Variants in EMCN observed in about 807,000 individuals in gnomAD.
EMCN encodes MUC-14.
In EMCN, 37 loss-of-function variants were observed where a neutral mutation model predicts 38.4. The ratio of observed to expected loss-of-function variants is 0.96; its 90% confidence interval spans 0.74 to 1.27. EMCN has a LOEUF of 1.27. EMCN is among the 50% of genes most tolerant of loss of function. The pLI is 0.00. For synonymous variants in EMCN, 95 were observed against 100.8 expected (o/e 0.94, Z 0.35); for missense variants, 318 against 302.8 (o/e 1.05, Z -0.37).
chr4:100,408,659 G>A (rs1278254364), intron 11 of EMCN, among the ~76,000 whole-genome samples: 1 of 152,218 alleles, frequency 6.6e-6, no homozygotes, highest in South Asian at 2.1e-4. Flanking sequence ...TCCCACTCAA[G>A]TGCTGGTCAT....
intron 5 of EMCN, among the ~76,000 whole-genome samples, chr4:100,431,600 T>C (rs958123808): frequency 6.6e-6 from 1 of 152,102 alleles, no homozygotes; most frequent in Admixed American, 6.6e-5. Context: ...AGACTGGAAC[T>C]TATGCCATCA....
At chr4:100,398,546 G>C (rs1726172412) in intron 11 of EMCN, among the ~76,000 whole-genome samples, 173 bp from the exon 12 acceptor site, 1 of 151,978 alleles carries the variant, frequency 6.6e-6, no homozygotes, top group African/African-American at 2.4e-5. Context: ...CTTCAAACTT[G>C]ACATATCTGA....
At chr4:100,475,594 C>T (rs916360638) in intron 2 of EMCN, among the ~76,000 whole-genome samples, 1 of 146,106 alleles carries the variant, frequency 6.8e-6, no homozygotes, top group Non-Finnish European at 1.5e-5. Context: ...AACTTGAAAA[C>T]TTCCCTATTA....
chr4:100,439,902 C>T lies in EMCN; in HGVS notation c.415+7631G>A, dbSNP rs1727462856. Among the ~76,000 whole-genome samples, 4 of 151,944 alleles carry T rather than the reference C, an allele frequency of 2.6e-5. No individual in the cohort carries two copies. In the South Asian group the frequency reaches 8.3e-4, roughly 31 times the overall value. On this transcript the variant is annotated intron_variant, in intron 5 of 11. Coordinates refer to ENST00000296420, the MANE Select transcript of EMCN (RefSeq NM_016242.4). Reference sequence around the variant, plus strand: ...CTTTGACTCATTGGTTGTTCAGGAGCACGTTACTTAATTATCATATAATTG... The same window carrying T: ...CTTTGACTCATTGGTTGTTCAGGAGTACGTTACTTAATTATCATATAATTG...
intron 5 of EMCN, among the ~76,000 whole-genome samples, chr4:100,442,360 C>T (rs569198935): frequency 5.3e-5 from 8 of 152,096 alleles, no homozygotes; most frequent in Non-Finnish European, 1.0e-4. Flanking sequence ...TATAATGTGC[C>T]TTAGAGAGGA....
intron 4 of EMCN, among the ~76,000 whole-genome samples, chr4:100,454,306 A>T (rs1222848578): frequency 4.0e-5 from 6 of 151,508 alleles, no homozygotes; most frequent in African/African-American, 1.5e-4. Flanking sequence ...TTTACACTCA[A>T]TCCCTCCACA....
chr4:100,431,521 G>T (rs1258320476), intron 5 of EMCN, among the ~76,000 whole-genome samples: 1 of 152,096 alleles, frequency 6.6e-6, no homozygotes, highest in Admixed American at 6.6e-5. Context: ...CTGAGACATT[G>T]GTCTTTCCCT....
At chr4:100,435,857 T>A (rs1578192987) in intron 5 of EMCN, among the ~76,000 whole-genome samples, 1 of 152,016 alleles carries the variant, frequency 6.6e-6, no homozygotes. Flanking sequence ...CCCTTCCTTA[T>A]ACCTTATACA....
chr4:100,509,229 C>T (rs1271818055), intron 1 of EMCN, among the ~76,000 whole-genome samples: 1 of 152,094 alleles, frequency 6.6e-6, no homozygotes, highest in Non-Finnish European at 1.5e-5. Context: ...TTTTCTTCTC[C>T]TTTGTATACC....
chr4:100,446,537 A>C (rs1727678570), intron 5 of EMCN, among the ~76,000 whole-genome samples: 1 of 152,054 alleles, frequency 6.6e-6, no homozygotes, highest in Non-Finnish European at 1.5e-5. Context: ...ATTTTTAAAA[A>C]GTTTTATGAA....
rs1491510071 is a variant in EMCN, at chr4:100,475,660, T to TG, written c.188-552_188-551insC. Among the ~76,000 whole-genome samples, 15 of 6,322 alleles carry TG rather than the reference T, an allele frequency of 2.4e-3. 3 individuals are homozygous for TG. Among genetic ancestry groups the TG allele is most frequent in the Non-Finnish European group, 3.6e-3 (10 of 2,768 alleles). 4.1% of individuals were successfully genotyped at this position (6,322 alleles called of 152,430 possible). On this transcript the variant is annotated intron_variant, in intron 2 of 11. Coordinates refer to ENST00000296420, the MANE Select transcript of EMCN (RefSeq NM_016242.4). ...TGAGGGCAGTATCCAATTCTAGTCC[T>TG]TTTTTTTTTTTTTTTTTTTTTTTTT...
At chr4:100,487,433 G>C (rs1728969194) in intron 1 of EMCN, among the ~76,000 whole-genome samples, 1 of 152,064 alleles carries the variant, frequency 6.6e-6, no homozygotes, top group African/African-American at 2.4e-5. Flanking sequence ...CCCTTTTCTG[G>C]GCTCCACATA....
intron 5 of EMCN, among the ~76,000 whole-genome samples, chr4:100,425,900 G>T (rs1015140761): frequency 1.3e-5 from 2 of 152,040 alleles, no homozygotes; most frequent in Non-Finnish European, 2.9e-5. Flanking sequence ...ATTTGTTCTT[G>T]GACCCTGACT....
intron 3 of EMCN, among the ~76,000 whole-genome samples, chr4:100,474,259 A>C (rs889213150): frequency 6.6e-6 from 1 of 152,238 alleles, no homozygotes. Flanking sequence ...CAAACACATG[A>C]AATATGTTCA....
chr4:100,421,524 T>C (rs1420626480), intron 7 of EMCN, 147 bp from the exon 8 acceptor site: 4 of 670,790 alleles, frequency 6.0e-6, no homozygotes, highest in Non-Finnish European at 1.0e-5. Flanking sequence ...TTCCTCTGAT[T>C]CATGGGGTTT....
At chr4:100,499,463 T>C (rs1426656660) in intron 1 of EMCN, among the ~76,000 whole-genome samples, 1 of 152,264 alleles carries the variant, frequency 6.6e-6, no homozygotes, top group Admixed American at 6.5e-5. Flanking sequence ...GATTAGTTTT[T>C]AAGATGTTTA....
chr4:100,504,352 T>A (rs560432617), intron 1 of EMCN, among the ~76,000 whole-genome samples: 1 of 152,302 alleles, frequency 6.6e-6, no homozygotes, highest in Admixed American at 6.5e-5. Context: ...AGAATAAGCC[T>A]TGTGGGCGGC....
rs1408446500 is a variant in EMCN at position 100,506,803 on chromosome 4, C to T, written c.64+11048G>A. Among the ~76,000 whole-genome samples the T allele has an allele frequency of 2.0e-5, 3 of 152,068 alleles. No homozygotes were observed. The East Asian group carries it at 5.8e-4, about 29-fold the overall frequency. On this transcript the variant is annotated intron_variant, in intron 1 of 11. Transcript: ENST00000296420. The stretch of plus-strand genomic sequence containing the variant: ...TGCTAAATTCTTCTTGTAAGTTATC[C>T]TAATTCATTAAGTAACGGTAAGCTA...
At chr4:100,452,705 T>C (rs2110248571) in intron 4 of EMCN, among the ~76,000 whole-genome samples, 1 of 152,158 alleles carries the variant, frequency 6.6e-6, no homozygotes, top group East Asian at 1.9e-4. Flanking sequence ...CATCTCTTCT[T>C]CTTTCCTTTC....
Sources: allele counts gnomAD v4.1 joint callset (sites outside exome capture counted in the v4.1 genomes callset), GRCh38; gene constraint gnomAD v4.1.1; transcripts MANE v1.5; gene names NCBI Gene and HGNC (gene_info 2026-07-23, HGNC 2026-07-21).